Variants in SEMA3C observed in about 807,000 individuals in gnomAD.
SEMA3C encodes the protein semaphorin 3C, also known as semaphorin-3C.
Under a neutral mutation model 89.4 loss-of-function variants are expected in SEMA3C, and 47 were observed. The observed-to-expected ratio is 0.53, with a 90% CI of 0.42 to 0.67. The LOEUF (loss-of-function observed/expected upper bound fraction) is 0.67, where lower values mean the gene tolerates loss of function less well. Ranked by LOEUF, SEMA3C falls within the 30% of genes least tolerant of loss-of-function variation. SEMA3C has a pLI of 0.00. For missense variants in SEMA3C, 839 were observed against 929.1 expected (o/e 0.90, Z 1.26); for synonymous variants, 310 against 320.2 (o/e 0.97, Z 0.34).
intron 15 of SEMA3C, among the ~76,000 whole-genome samples, chr7:80,756,399 G>A (rs1788067601): frequency 6.6e-6 from 1 of 151,682 alleles, no homozygotes; most frequent in Non-Finnish European, 1.5e-5. Context: ...GAAGACAGTA[G>A]CCTCCTGTCA....
At chr7:80,763,457 T>G (rs973418016) in intron 13 of SEMA3C, among the ~76,000 whole-genome samples, 1 of 152,156 alleles carries the variant, frequency 6.6e-6, no homozygotes, top group Non-Finnish European at 1.5e-5. Context: ...AACTCAGACT[T>G]TTTTTGGTGT....
intron 2 of SEMA3C, among the ~76,000 whole-genome samples, chr7:80,835,019 T>C (rs1383881801): frequency 1.3e-5 from 2 of 152,170 alleles, no homozygotes; most frequent in Admixed American, 6.6e-5. Flanking sequence ...AGAGTGCCAA[T>C]TGTATACCTG....
chr7:80,748,428 T>C (rs996447169), intron 17 of SEMA3C, among the ~76,000 whole-genome samples: 1 of 152,104 alleles, frequency 6.6e-6, no homozygotes, highest in African/African-American at 2.4e-5. Flanking sequence ...ACAAGAGTTA[T>C]GAATAATAAA....
chr7:80,875,859 A>C (rs1791188535), intron 2 of SEMA3C, among the ~76,000 whole-genome samples: 1 of 152,054 alleles, frequency 6.6e-6, no homozygotes. Flanking sequence ...ACTTCACAAT[A>C]AGAAAAGAAA....
At chr7:80,820,032 CT>C (rs1789706378) in intron 4 of SEMA3C, among the ~76,000 whole-genome samples, 2 of 150,992 alleles carry the variant, frequency 1.3e-5, no homozygotes, top group South Asian at 2.1e-4. Flanking sequence ...GCTTTTCCCC[CT>C]GCTAGGTACC....
intron 15 of SEMA3C, among the ~76,000 whole-genome samples, chr7:80,754,957 G>GTTTTTTTTTTTGTTTTTTTTTTTTTT (rs1788027360): frequency 1.8e-5 from 2 of 108,368 alleles, no homozygotes; most frequent in Admixed American, 1.0e-4. Flanking sequence ...GTTTTTTTTT[G>GTTTTTTTTTTTGTTTTTTTTTTTTTT]TTTTTTTTTT....
chr7:80,904,307 CT>C (rs1486024183), intron 2 of SEMA3C, among the ~76,000 whole-genome samples: 1 of 152,180 alleles, frequency 6.6e-6, no homozygotes, highest in African/African-American at 2.4e-5. Context: ...CTCCAAAGTG[CT>C]GGGATTACAG....
chr7:80,759,024 TA>T (rs1003426841), intron 14 of SEMA3C, among the ~76,000 whole-genome samples: 2 of 152,170 alleles, frequency 1.3e-5, no homozygotes, highest in Admixed American at 6.5e-5. Flanking sequence ...TAAAACTACT[TA>T]AAAATAATTA....
chr7:80,851,275 G>C (rs372473692), intron 2 of SEMA3C, among the ~76,000 whole-genome samples: 4 of 151,992 alleles, frequency 2.6e-5, no homozygotes, highest in South Asian at 2.1e-4. Flanking sequence ...TGGAGGCCAT[G>C]GTGGGTAGAT....
chr7:80,772,982 C>A lies in SEMA3C; in HGVS notation c.1355-7739G>T, dbSNP rs968250464. Among the ~76,000 whole-genome samples the A allele has an allele frequency of 1.2e-4, 19 of 152,194 alleles. 2 individuals are homozygous for A. The South Asian group carries it at 3.1e-3, about 25-fold the overall frequency. On this transcript the variant is annotated intron_variant, in intron 12 of 17. Coordinates refer to ENST00000265361, the MANE Select transcript of SEMA3C (RefSeq NM_006379.5). The stretch of plus-strand genomic sequence containing the variant: ...ACCACAGACATAATGTTTGGAGGTG[C>A]TGCATATTAAATAAGCTTTAGAGAA...
intron 12 of SEMA3C, among the ~76,000 whole-genome samples, chr7:80,779,080 A>T (rs1475454096): frequency 6.6e-6 from 1 of 152,070 alleles, no homozygotes; most frequent in Non-Finnish European, 1.5e-5. Flanking sequence ...ACCCTCTTTG[A>T]CTTATCTGTC....
chr7:80,921,740 C>T (rs748010212), upstream of SEMA3C, among the ~76,000 whole-genome samples: 49 of 152,252 alleles, frequency 3.2e-4, 1 homozygote, highest in African/African-American at 1.1e-3. Context: ...TTTATTAAGA[C>T]GTTTTAGAAA....
chr7:80,766,662 G>A (rs553806718), intron 12 of SEMA3C, among the ~76,000 whole-genome samples: 237 of 658 alleles, frequency 0.36, no homozygotes, highest in African/African-American at 0.45. Context: ...TCCTCAAGAC[G>A]CCAAGAACCG....
chr7:80,822,255 A>G (rs1451172919), intron 4 of SEMA3C, among the ~76,000 whole-genome samples: 1 of 152,160 alleles, frequency 6.6e-6, no homozygotes, highest in African/African-American at 2.4e-5. Context: ...GTAGAAGGAA[A>G]GAAAGGCATT....
At chr7:80,869,480 C>T (rs1372682319) in intron 2 of SEMA3C, among the ~76,000 whole-genome samples, 1 of 152,108 alleles carries the variant, frequency 6.6e-6, no homozygotes, top group Non-Finnish European at 1.5e-5. Context: ...TTTGTCTACC[C>T]AACCCCATTT....
chr7:80,850,900 C>G (rs943452462), intron 2 of SEMA3C, among the ~76,000 whole-genome samples: 2 of 152,150 alleles, frequency 1.3e-5, no homozygotes, highest in African/African-American at 4.8e-5. Context: ...TTTTCTCTCA[C>G]ACTTCTAGAG....
intron 2 of SEMA3C, among the ~76,000 whole-genome samples, chr7:80,908,511 G>A (rs1792066806): frequency 6.6e-6 from 1 of 152,092 alleles, no homozygotes; most frequent in African/African-American, 2.4e-5. Context: ...GCTAACTATA[G>A]TAACACTAGC....
intron 4 of SEMA3C, among the ~76,000 whole-genome samples, chr7:80,824,892 G>A (rs972023149): frequency 5.9e-5 from 9 of 152,128 alleles, no homozygotes; most frequent in Admixed American, 2.0e-4. Context: ...TCCATTAAAT[G>A]TTGGGTATTT....
At position 80,900,317 on chromosome 7, in the gene SEMA3C, G is replaced by C. The variant is rs1316924822; in HGVS notation, c.103+16362C>G. Among the ~76,000 whole-genome samples the C allele has an allele frequency of 1.3e-5, 2 of 152,150 alleles. 1 individual carries two copies. On this transcript the variant is annotated intron_variant, in intron 2 of 17. Transcript: ENST00000265361. ...TTTAGGAGAGACGGGGTTTCAACATGTTAGCTAGGATGGTCTCAATCTCCT... is the reference window on the plus strand; with the variant it reads ...TTTAGGAGAGACGGGGTTTCAACATCTTAGCTAGGATGGTCTCAATCTCCT...
Sources: allele counts gnomAD v4.1 joint callset (sites outside exome capture counted in the v4.1 genomes callset), GRCh38; gene constraint gnomAD v4.1.1; transcripts MANE v1.5; gene names NCBI Gene and HGNC (gene_info 2026-07-23, HGNC 2026-07-21).